RBMS3: variants seen among roughly 807,000 people sequenced by gnomAD.
RBMS3 encodes RNA-binding motif, single-stranded-interacting protein 3.
A neutral mutation model predicts 66.8 loss-of-function variants in RBMS3; 27 were observed. That is an observed-to-expected ratio of 0.40 (90% CI 0.30 to 0.56). The LOEUF (loss-of-function observed/expected upper bound fraction) is 0.56. Ranked by LOEUF, RBMS3 falls within the 20% of genes least tolerant of loss-of-function variation. The pLI is 0.40. For synonymous variants in RBMS3, 188 were observed against 183.0 expected, an observed-to-expected ratio of 1.03 and a Z score of -0.22; for missense variants, 513 against 549.5, an observed-to-expected ratio of 0.93 and a Z score of 0.66.
At chr3:29,633,565 T>C (rs1398237889) in intron 4 of RBMS3, among the ~76,000 whole-genome samples, 1 of 151,840 alleles carries the variant, frequency 6.6e-6, no homozygotes, top group Non-Finnish European at 1.5e-5. Context: ...ACAGAACTTT[T>C]TAGGGCTTCC....
chr3:29,628,290 C>A (rs75760900), intron 4 of RBMS3, among the ~76,000 whole-genome samples: 11,093 of 152,216 alleles, frequency 0.073, 761 homozygotes, highest in East Asian at 0.35. Context: ...TCCACATTGA[C>A]TGTCAATGAA....
At chr3:29,473,071 G>A (rs1397754926) in intron 2 of RBMS3, among the ~76,000 whole-genome samples, 2 of 145,542 alleles carry the variant, frequency 1.4e-5, no homozygotes, top group African/African-American at 2.6e-5. Context: ...CTTGAGCTAG[G>A]CACAGGGTGC....
At chr3:29,861,856 T>C (rs1392401875) in intron 6 of RBMS3, among the ~76,000 whole-genome samples, 1 of 152,156 alleles carries the variant, frequency 6.6e-6, no homozygotes, top group Non-Finnish European at 1.5e-5. Context: ...TTGCCATGTG[T>C]TGTTATAATT....
intron 4 of RBMS3, among the ~76,000 whole-genome samples, chr3:29,653,161 T>G (rs143364084): frequency 9.2e-5 from 14 of 152,226 alleles, no homozygotes; most frequent in Non-Finnish European, 1.9e-4. Context: ...TGGTGGAGTT[T>G]TAGATCAATA....
chr3:29,597,866 G>C (rs1405774084), intron 4 of RBMS3, among the ~76,000 whole-genome samples: 1 of 151,938 alleles, frequency 6.6e-6, no homozygotes, highest in African/African-American at 2.4e-5. Flanking sequence ...TTAGCCTAAG[G>C]ATCCATTTGG....
intron 6 of RBMS3, among the ~76,000 whole-genome samples, chr3:29,862,776 G>T (rs917161820): frequency 2.0e-5 from 3 of 151,284 alleles, no homozygotes; most frequent in African/African-American, 4.9e-5. Context: ...CCCAGGAGGC[G>T]CAGGCTGAAG....
At chr3:29,772,108 CA>C (rs986703683) in intron 6 of RBMS3, among the ~76,000 whole-genome samples, 1 of 151,866 alleles carries the variant, frequency 6.6e-6, no homozygotes, top group Non-Finnish European at 1.5e-5. Context: ...AGAATTAACC[CA>C]ACATTGCCGG....
intron 7 of RBMS3, 77 bp downstream of exon 7, chr3:29,869,041 G>T: frequency 8.3e-7 from 1 of 1,203,938 alleles, no homozygotes; most frequent in Non-Finnish European, 1.2e-6. Flanking sequence ...CAGACGTATG[G>T]TGCCATGATG....
At chr3:29,937,731 T>C (rs1286134732) in intron 11 of RBMS3, among the ~76,000 whole-genome samples, 1 of 152,034 alleles carries the variant, frequency 6.6e-6, no homozygotes, top group Non-Finnish European at 1.5e-5. Context: ...TATGCTGTGG[T>C]ACAGCTAATT....
At chr3:29,434,680 G>C (rs1422816542) in intron 1 of RBMS3, 63 bp from the exon 2 acceptor site, 39 of 1,556,766 alleles carry the variant, frequency 2.5e-5, no homozygotes, top group African/African-American at 4.1e-5. Flanking sequence ...TTCAAGTTGT[G>C]CTGCTGGCCT....
At chr3:29,815,762 A>C (rs6804210) in intron 6 of RBMS3, among the ~76,000 whole-genome samples, 69,599 of 151,600 alleles carry the variant, frequency 0.46, 16,841 homozygotes, top group African/African-American at 0.57. Flanking sequence ...AAAATGATAT[A>C]ATGGACTTCG....
rs1173310342 is a variant in RBMS3, at chr3:29,994,533, T to C, written c.1307+3324T>C. On this transcript the variant is annotated intron_variant, in intron 14 of 14. Transcript: ENST00000383767. ...CTCTGCAGACTTAAATGTCTCTGTC[T>C]GACAGCTTTGAAGAGAGCAGTGGTT... Among the ~76,000 whole-genome samples, 9 of 152,234 alleles carry C rather than the reference T, an allele frequency of 5.9e-5. No homozygotes were observed. In the South Asian group the frequency reaches 1.9e-3, roughly 32 times the overall value.
intron 6 of RBMS3, among the ~76,000 whole-genome samples, chr3:29,820,679 C>T (rs1161942607): frequency 6.6e-6 from 1 of 152,106 alleles, no homozygotes; most frequent in African/African-American, 2.4e-5. Context: ...TTTCCTGTTA[C>T]TCAGGTAAAC....
intron 1 of RBMS3, among the ~76,000 whole-genome samples, chr3:29,418,126 CA>C (rs1486893581): frequency 6.6e-6 from 1 of 152,080 alleles, no homozygotes; most frequent in East Asian, 1.9e-4. Flanking sequence ...ACATCAGCTA[CA>C]AACATAACTT....
chr3:29,765,115 A>C (rs953367418), intron 6 of RBMS3, among the ~76,000 whole-genome samples: 1 of 152,064 alleles, frequency 6.6e-6, no homozygotes, highest in African/African-American at 2.4e-5. Context: ...AATCTTTGAT[A>C]CTTAAATTAG....
At chr3:29,414,229 A>G (rs1448440390) in intron 1 of RBMS3, among the ~76,000 whole-genome samples, 1 of 152,220 alleles carries the variant, frequency 6.6e-6, no homozygotes, top group Admixed American at 6.5e-5. Context: ...TTGAACTGCA[A>G]TCAAATAAAG....
chr3:29,676,357 T>C (rs934979553), intron 4 of RBMS3, among the ~76,000 whole-genome samples: 1 of 152,148 alleles, frequency 6.6e-6, no homozygotes, highest in South Asian at 2.1e-4. Flanking sequence ...CACACCAACA[T>C]GGCACATGTA....
chr3:29,906,882 C>A (rs192249667), intron 10 of RBMS3, among the ~76,000 whole-genome samples: 46 of 152,114 alleles, frequency 3.0e-4, no homozygotes, highest in Admixed American at 2.8e-3. Flanking sequence ...GTGTATATAC[C>A]ATTTACCAAA....
chr3:29,469,959 T>C (rs1232430848), intron 2 of RBMS3, among the ~76,000 whole-genome samples: 1 of 147,894 alleles, frequency 6.8e-6, no homozygotes, highest in African/African-American at 2.4e-5. Flanking sequence ...ATTTAAATAA[T>C]TTATATGAAA....
Sources: allele counts gnomAD v4.1 joint callset (sites outside exome capture counted in the v4.1 genomes callset), GRCh38; gene constraint gnomAD v4.1.1; transcripts MANE v1.5; gene names NCBI Gene and HGNC (gene_info 2026-07-23, HGNC 2026-07-21).